TBC1D8: variants seen among roughly 807,000 people sequenced by gnomAD.
The protein encoded by TBC1D8 is TBC1 domain family member 8, also known as BUB2-like protein 1.
TBC1D8 carries 65 observed loss-of-function variants against 118.8 expected under a neutral mutation model. The ratio of observed to expected loss-of-function variants is 0.55; its 90% CI spans 0.45 to 0.67. The LOEUF is 0.67. Ranked by LOEUF, TBC1D8 falls within the 30% of genes least tolerant of loss-of-function variation. TBC1D8 has a pLI of 0.00. For synonymous variants in TBC1D8, 566 were observed against 595.8 expected (o/e 0.95, Z 0.73); for missense variants, 1,376 against 1,471.2 (o/e 0.94, Z 1.06).
rs1289189974 is a variant in TBC1D8 at position 101,054,237 on chromosome 2, A to G, written c.502T>C (p.Phe168Leu). ...GTGACCAGCTTCTCCGCCTCGGGGAAGTTGAACCTGGCCTCGAACTTCACC... is the reference window on the plus strand; with the variant it reads ...GTGACCAGCTTCTCCGCCTCGGGGAGGTTGAACCTGGCCTCGAACTTCACC... ...ALVKFEARFN[F>L]PEAEKLVTYY... Residue 168 changes from phenylalanine (F) to leucine (L), a missense_variant, in exon 4 of 20, where the codon TTC (phenylalanine) becomes CTC (leucine). Coordinates refer to ENST00000409318, the MANE Select transcript of TBC1D8 (RefSeq NM_001330348.2). 1.9e-6 allele frequency: 3 copies of G among 1,608,758 alleles called. No individual in the cohort carries two copies. Among genetic ancestry groups the G allele is most frequent in the Non-Finnish European group, 2.5e-6 (3 of 1,177,688 alleles).
chr2:101,150,604 C>T (rs76730374), intron 1 of TBC1D8, among the ~76,000 whole-genome samples: 3,727 of 152,324 alleles, frequency 0.024, 142 homozygotes, highest in African/African-American at 0.084. Flanking sequence ...CGCCCACCCT[C>T]AGTTTCCCCT....
chr2:101,008,249 T>C lies in TBC1D8; in HGVS notation c.3040A>G (p.Thr1014Ala). ...SQREFIQFCKTLYSMFHEDPE... is the reference protein window; with the variant it reads ...SQREFIQFCKALYSMFHEDPE... The stretch of plus-strand genomic sequence containing the variant: ...TCTTCATGGAACATACTGTACAGAG[T>C]TTTACAGAACTGGATAAATTCTCTC... Residue 1014 changes from threonine (T) to alanine (A), a missense_variant, in exon 20 of 20, where the codon ACT (threonine) becomes GCT (alanine). Coordinates refer to ENST00000409318, the MANE Select transcript of TBC1D8 (RefSeq NM_001330348.2). 1 of 1,558,902 alleles carries C rather than the reference T, an allele frequency of 6.4e-7. No homozygotes were observed. The highest frequency in any genetic ancestry group is 1.2e-5 in the South Asian group (1 of 82,876).
chr2:101,027,335 C>T, intron 15 of TBC1D8, 48 bp downstream of exon 15: 2 of 1,583,780 alleles, frequency 1.3e-6, no homozygotes, highest in Admixed American at 1.7e-5. Flanking sequence ...CACCGCGGCT[C>T]AGGCCAGCTC....
chr2:101,126,351 G>A (rs2104245730), intron 1 of TBC1D8, among the ~76,000 whole-genome samples: 1 of 152,236 alleles, frequency 6.6e-6, no homozygotes, highest in East Asian at 1.9e-4. Flanking sequence ...AACTTGGTGG[G>A]GCCACACAAA....
intron 2 of TBC1D8, among the ~76,000 whole-genome samples, chr2:101,061,237 C>G (rs912536931): frequency 1.3e-4 from 19 of 143,942 alleles, no homozygotes; most frequent in Admixed American, 4.9e-4. Flanking sequence ...GCTCAGTCAT[C>G]TTTCTCTCTG....
chr2:101,106,252 A>C (rs544977967), intron 1 of TBC1D8, among the ~76,000 whole-genome samples: 28 of 152,382 alleles, frequency 1.8e-4, no homozygotes, highest in Non-Finnish European at 4.1e-4. Flanking sequence ...ATTTTAGGGC[A>C]GTGAAAACTA....
At chr2:101,009,625 G>A (rs1308637807) in intron 19 of TBC1D8, among the ~76,000 whole-genome samples, 3 of 151,974 alleles carry the variant, frequency 2.0e-5, no homozygotes, top group Non-Finnish European at 4.4e-5. Flanking sequence ...TATATCCAGA[G>A]AGTAGAATGA....
intron 3 of TBC1D8, among the ~76,000 whole-genome samples, chr2:101,058,697 T>C (rs894618017): frequency 1.1e-4 from 17 of 150,010 alleles, no homozygotes; most frequent in East Asian, 7.9e-4. Context: ...CATCCACTTC[T>C]AGCAGGAGGA....
chr2:101,127,059 A>C lies in TBC1D8; in HGVS notation c.127+24068T>G, dbSNP rs7583411. ...TGTTAAGAAATTGAGGCCCCTGGCCAGGCGCAGTGGTTGATACCTGTAATT... is the reference window on the plus strand; with the variant it reads ...TGTTAAGAAATTGAGGCCCCTGGCCCGGCGCAGTGGTTGATACCTGTAATT... On this transcript the variant is annotated intron_variant, in intron 1 of 19. Coordinates refer to ENST00000409318, the MANE Select transcript of TBC1D8 (RefSeq NM_001330348.2). Among the ~76,000 whole-genome samples, 26 of 152,098 alleles carry C rather than the reference A, an allele frequency of 1.7e-4. 1 individual carries two copies. Among genetic ancestry groups the C allele is most frequent in the African/African-American group, 6.3e-4 (26 of 41,476 alleles).
chr2:101,008,390 A>G, intron 19 of TBC1D8, 117 bp from the exon 20 acceptor site: 2 of 827,762 alleles, frequency 2.4e-6, no homozygotes. Flanking sequence ...GACACAGAAT[A>G]TAAGAAAAGG....
At chr2:101,142,608 G>A (rs1679155299) in intron 1 of TBC1D8, among the ~76,000 whole-genome samples, 2 of 152,128 alleles carry the variant, frequency 1.3e-5, no homozygotes. Context: ...GCTACCATGG[G>A]TCAAAGTGAG....
chr2:101,061,667 G>A (rs377271025), intron 2 of TBC1D8, among the ~76,000 whole-genome samples: 21 of 151,874 alleles, frequency 1.4e-4, no homozygotes, highest in South Asian at 8.3e-4. Context: ...GCTGCCCCTC[G>A]GTCCCACCTC....
At chr2:101,009,540 G>GAA (rs779909753) in intron 19 of TBC1D8, among the ~76,000 whole-genome samples, 6 of 150,212 alleles carry the variant, frequency 4.0e-5, no homozygotes, top group Non-Finnish European at 7.4e-5. Flanking sequence ...ATCATCTATA[G>GAA]AAAAAAAAAG....
chr2:101,082,508 C>T (rs146978861), intron 2 of TBC1D8, among the ~76,000 whole-genome samples: 152 of 152,336 alleles, frequency 1.0e-3, no homozygotes, highest in African/African-American at 3.3e-3. Context: ...CCACACACCA[C>T]GTCCTTGTTT....
intron 1 of TBC1D8, among the ~76,000 whole-genome samples, chr2:101,146,381 G>C (rs927098924): frequency 5.9e-5 from 9 of 152,138 alleles, no homozygotes; most frequent in Admixed American, 5.2e-4. Context: ...GCAATGACAG[G>C]AACAGGGACT....
chr2:101,023,684 C>T (rs958792030), intron 15 of TBC1D8: 2 of 409,834 alleles, frequency 4.9e-6, no homozygotes, highest in African/African-American at 4.4e-5. Flanking sequence ...AAAACCGGCC[C>T]CATCGCTGAG....
chr2:101,077,921 A>C (rs756488459), intron 2 of TBC1D8, among the ~76,000 whole-genome samples: 2 of 152,198 alleles, frequency 1.3e-5, no homozygotes. Context: ...CCTGCAGATA[A>C]CAACACTCTT....
intron 2 of TBC1D8, among the ~76,000 whole-genome samples, chr2:101,081,364 C>T (rs541441915): frequency 5.3e-5 from 8 of 152,266 alleles, no homozygotes; most frequent in African/African-American, 1.4e-4. Context: ...TTCTGTTTTC[C>T]TGCTCCCCAT....
intron 7 of TBC1D8, among the ~76,000 whole-genome samples, chr2:101,037,931 C>T (rs555407864): frequency 1.4e-4 from 21 of 152,202 alleles, no homozygotes; most frequent in African/African-American, 3.6e-4. Context: ...AACCTGGGTC[C>T]GTATCTGGGT....
Sources: allele counts gnomAD v4.1 joint callset (sites outside exome capture counted in the v4.1 genomes callset), GRCh38; gene constraint gnomAD v4.1.1; transcripts MANE v1.5; gene names NCBI Gene and HGNC (gene_info 2026-07-23, HGNC 2026-07-21).